The following SH3BGRL2 variants were observed in gnomAD, a reference collection of about 807,000 sequenced individuals.
SH3BGRL2 encodes the protein SH3 domain binding glutamate rich protein like 2, also known as SH3 domain-binding glutamic acid-rich-like protein 2.
Under a neutral mutation model 14.8 loss-of-function variants are expected in SH3BGRL2, and 21 were observed. The observed-to-expected ratio is 1.42, with a 90% CI of 1.01 to 2.05. SH3BGRL2 has a LOEUF of 2.05. SH3BGRL2 is among the 30% of genes most tolerant of loss of function. SH3BGRL2 has a pLI of 0.00. For missense variants in SH3BGRL2, 147 were observed against 130.8 expected, an observed-to-expected ratio of 1.12 and a Z score of -0.61; for synonymous variants, 50 against 47.8, an observed-to-expected ratio of 1.05 and a Z score of -0.19.
At chr6:79,671,836 A>G (rs764405602) in intron 1 of SH3BGRL2, among the ~76,000 whole-genome samples, 4 of 152,150 alleles carry the variant, frequency 2.6e-5, no homozygotes, top group Non-Finnish European at 5.9e-5. Context: ...ACCTCTGCAG[A>G]CCTTACAAAC....
At chr6:79,539,553 C>T in the SH3BGRL2 span, among the ~76,000 whole-genome samples, 1 of 152,168 alleles carries the variant, frequency 6.6e-6, no homozygotes, top group African/African-American at 2.4e-5. Context: ...GCAATATCTC[C>T]AGATTTGCTA....
At chr6:79,680,683 ATAT>A (rs1181709517) in intron 2 of SH3BGRL2, among the ~76,000 whole-genome samples, 3 of 152,104 alleles carry the variant, frequency 2.0e-5, no homozygotes, top group African/African-American at 7.2e-5. Context: ...GACATCTATA[ATAT>A]TATCTTCTAA....
rs943492793 is a variant in SH3BGRL2 at position 79,702,359 on chromosome 6, T to C, written c.*2850T>C. On this transcript the variant is annotated 3_prime_UTR_variant, in exon 4 of 4. Coordinates refer to ENST00000369838, the MANE Select transcript of SH3BGRL2 (RefSeq NM_031469.4). ...TTGCTTTTTCTAGAGATACTTTTCATTTAACAGCTTTTGTTAAGTGTCAGG... is the reference window on the plus strand; with the variant it reads ...TTGCTTTTTCTAGAGATACTTTTCACTTAACAGCTTTTGTTAAGTGTCAGG... The C allele has an allele frequency of 2.0e-5, 3 of 152,650 alleles. No homozygotes were observed. Among genetic ancestry groups the C allele is most frequent in the African/African-American group, 7.2e-5 (3 of 41,458 alleles). The allele number at this position is 152,650 out of a possible 1,614,324, so 9.5% of individuals were successfully genotyped here. A position where few individuals can be genotyped will look rare whatever the true frequency, so the allele number is the denominator to read the frequency against.
At chr6:79,624,912 C>T in the SH3BGRL2 span, among the ~76,000 whole-genome samples, 1 of 152,178 alleles carries the variant, frequency 6.6e-6, no homozygotes. Flanking sequence ...TGGCTCACGC[C>T]TGTAATCCGA....
At chr6:79,607,543 G>A in the SH3BGRL2 span, among the ~76,000 whole-genome samples, 3 of 152,068 alleles carry the variant, frequency 2.0e-5, no homozygotes, top group East Asian at 3.9e-4. Flanking sequence ...CTTCCCTTCC[G>A]TGCTGCCCCA....
chr6:79,568,742 T>A, the SH3BGRL2 span, among the ~76,000 whole-genome samples: 2 of 152,256 alleles, frequency 1.3e-5, no homozygotes, highest in Admixed American at 1.3e-4. Flanking sequence ...TTAAACTAAC[T>A]TTTTAATTTT....
intron 3 of SH3BGRL2, among the ~76,000 whole-genome samples, chr6:79,697,079 C>A (rs1582742811): frequency 2.0e-5 from 3 of 152,126 alleles, no homozygotes; most frequent in African/African-American, 7.2e-5. Context: ...CCAATATTTT[C>A]TCATGTTTAG....
At chr6:79,590,695 A>G in the SH3BGRL2 span, among the ~76,000 whole-genome samples, 150,140 of 151,812 alleles carry the variant, frequency 0.99, 74,266 homozygotes, top group East Asian at 1. Flanking sequence ...AGGGATGTGG[A>G]ATGTGGGGGA....
chr6:79,599,081 C>CAAA, the SH3BGRL2 span, among the ~76,000 whole-genome samples: 4 of 112,256 alleles, frequency 3.6e-5, no homozygotes, highest in Admixed American at 9.0e-5. Context: ...AACTCTGTCT[C>CAAA]AAAAAAAAAA....
chr6:79,635,912 C>T (rs958742181), intron 1 of SH3BGRL2, among the ~76,000 whole-genome samples: 10 of 152,112 alleles, frequency 6.6e-5, no homozygotes, highest in Non-Finnish European at 1.2e-4. Flanking sequence ...GTTACATCCC[C>T]GTGAATGTAT....
In SH3BGRL2 at chr6:79,673,784, C is replaced by T. The variant is rs747335342; in HGVS notation, c.216C>T (p.Gly72=). 1.1e-5 allele frequency: 18 copies of T among 1,613,502 alleles called. No homozygotes were observed. The highest frequency in any genetic ancestry group is 1.7e-5 in the Admixed American group (1 of 59,954). ...CCCTGCCACCTCAGATATTTAATGG[C>T]GACCGATACTGTGGAGTAAGTGGCT... The part of the protein sequence containing the change: ...GNPLPPQIFN[G]DRYCGDYDSF... The change falls in exon 2 of 4, where the codon GGC becomes GGT. Residue 72 remains glycine (G), a synonymous_variant. Coordinates refer to ENST00000369838, the MANE Select transcript of SH3BGRL2 (RefSeq NM_031469.4).
chr6:79,590,346 T>C, the SH3BGRL2 span, among the ~76,000 whole-genome samples: 3 of 147,966 alleles, frequency 2.0e-5, no homozygotes, highest in East Asian at 6.0e-4. Flanking sequence ...TATATGTTCA[T>C]TGCAGCACTA....
At chr6:79,592,001 C>T in the SH3BGRL2 span, among the ~76,000 whole-genome samples, 2 of 152,076 alleles carry the variant, frequency 1.3e-5, no homozygotes, top group African/African-American at 4.8e-5. Context: ...TTATGCACAG[C>T]CCGAGAAAGT....
chr6:79,625,190 A>G, the SH3BGRL2 span, among the ~76,000 whole-genome samples: 1 of 144,976 alleles, frequency 6.9e-6, no homozygotes, highest in East Asian at 1.9e-4. Flanking sequence ...AAAAATATAT[A>G]TATACACACA....
chr6:79,625,223 C>CAT, the SH3BGRL2 span, among the ~76,000 whole-genome samples: 47 of 139,210 alleles, frequency 3.4e-4, no homozygotes, highest in African/African-American at 1.1e-3. Context: ...TATACACACA[C>CAT]ATATATATAT....
intron 1 of SH3BGRL2, among the ~76,000 whole-genome samples, chr6:79,665,028 C>T (rs1461519128): frequency 6.6e-6 from 1 of 152,058 alleles, no homozygotes; most frequent in Non-Finnish European, 1.5e-5. Context: ...GGTGAAACCT[C>T]GTCTCTACTA....
chr6:79,694,494 G>A (rs1770290632), intron 2 of SH3BGRL2, among the ~76,000 whole-genome samples: 1 of 152,056 alleles, frequency 6.6e-6, no homozygotes, highest in Non-Finnish European at 1.5e-5. Context: ...TGTTTTTGTG[G>A]CATAGTTAGG....
chr6:79,565,779 A>G, the SH3BGRL2 span, among the ~76,000 whole-genome samples: 2 of 152,216 alleles, frequency 1.3e-5, no homozygotes, highest in Non-Finnish European at 2.9e-5. Context: ...GGTACAGTGC[A>G]TATTTGAGAA....
chr6:79,587,520 T>C, the SH3BGRL2 span, among the ~76,000 whole-genome samples: 4 of 152,228 alleles, frequency 2.6e-5, no homozygotes, highest in African/African-American at 7.2e-5. Flanking sequence ...TTAATGCATA[T>C]GTTAATTTCA....
Sources: allele counts gnomAD v4.1 joint callset (sites outside exome capture counted in the v4.1 genomes callset), GRCh38; gene constraint gnomAD v4.1.1; transcripts MANE v1.5; gene names NCBI Gene and HGNC (gene_info 2026-07-23, HGNC 2026-07-21).